Variants in FSTL4 observed in about 807,000 individuals in gnomAD.
FSTL4 encodes the protein follistatin like 4.
Under a neutral mutation model 78.2 loss-of-function variants are expected in FSTL4, and 28 were observed. The ratio of observed to expected loss-of-function variants is 0.36; its 90% CI spans 0.27 to 0.49. The LOEUF is 0.49. FSTL4 is among the 20% of genes least tolerant of loss of function. The probability of loss-of-function intolerance (pLI) is 0.98; values close to 1 mark genes in which losing one functional copy is unlikely to be tolerated. For synonymous variants in FSTL4, 422 were observed against 440.5 expected, an observed-to-expected ratio of 0.96 and a Z score of 0.53; for missense variants, 922 against 1,084.9, an observed-to-expected ratio of 0.85 and a Z score of 2.11.
the FSTL4 span, among the ~76,000 whole-genome samples, chr5:133,683,614 C>T: frequency 7.9e-5 from 12 of 152,332 alleles, no homozygotes; most frequent in East Asian, 1.9e-3. Context: ...CAGCTCCAAA[C>T]GCAGCATCAT....
Position 133,611,920 on chromosome 5 carries a change from C to A in FSTL4, c.-11+405G>T, listed in dbSNP as rs1345433524. 6.6e-6 allele frequency among the ~76,000 whole-genome samples: 1 copy of A among 152,014 alleles called. No homozygotes were observed. The highest frequency in any genetic ancestry group is 1.9e-4 in the East Asian group (1 of 5,146). ...CGCGCTCGCCTGGCTCCGCCGGGGC[C>A]GCTCGGGGTCCTGAACCCAAGAACG... On this transcript the variant is annotated intron_variant, in intron 1 of 15. Coordinates refer to ENST00000265342, the MANE Select transcript of FSTL4 (RefSeq NM_015082.2). The surrounding 1 kb of genome is among the most constrained non-coding windows in gnomAD (Gnocchi z 4.9).
At chr5:133,402,011 G>C (rs2126972375) in intron 3 of FSTL4, among the ~76,000 whole-genome samples, 1 of 152,224 alleles carries the variant, frequency 6.6e-6, no homozygotes, top group African/African-American at 2.4e-5. Context: ...GGATGGGGGT[G>C]GGGGTAGCCG....
chr5:133,689,137 C>G, the FSTL4 span, among the ~76,000 whole-genome samples: 4,074 of 152,264 alleles, frequency 0.027, 184 homozygotes, highest in African/African-American at 0.093. Context: ...CTAACCCCTC[C>G]ACCCAGTCTC....
intron 2 of FSTL4, among the ~76,000 whole-genome samples, chr5:133,572,316 T>C (rs569127997): frequency 1.3e-5 from 2 of 152,218 alleles, no homozygotes; most frequent in Admixed American, 1.3e-4. Context: ...ATGTGCACAT[T>C]TGCTATACAG....
Position 133,225,585 on chromosome 5 carries a change from G to A in FSTL4, c.1177+73C>T, listed in dbSNP as rs2241583. 0.39 allele frequency: 526,587 copies of A among 1,342,670 alleles called. 116,086 individuals carry two copies. The highest frequency in any genetic ancestry group is 0.82 in the African/African-American group (56,529 of 68,736). 83.2% of individuals were successfully genotyped at this position (1,342,670 alleles called of 1,614,324 possible). ...GACTTATAAACAAATTATACCTCTC[G>A]TTTCCATTCCTGGAGTCTCAGCTTG... On this transcript the variant is annotated intron_variant, in intron 9 of 15. Coordinates refer to ENST00000265342, the MANE Select transcript of FSTL4 (RefSeq NM_015082.2). This position sits in a 1 kb window ranked among gnomAD's most constrained non-coding sequence, Gnocchi z 4.6.
At chr5:133,595,964 G>A (rs1439776866) in intron 2 of FSTL4, among the ~76,000 whole-genome samples, 2 of 152,192 alleles carry the variant, frequency 1.3e-5, no homozygotes, top group Non-Finnish European at 2.9e-5. Flanking sequence ...ACAGGCAAGA[G>A]GCAAAGTGAT....
At chr5:133,756,637 T>G in the FSTL4 span, among the ~76,000 whole-genome samples, 1 of 152,048 alleles carries the variant, frequency 6.6e-6, no homozygotes, top group Non-Finnish European at 1.5e-5. Flanking sequence ...ACCCACTGAG[T>G]GCACCTGGCC....
chr5:133,696,269 G>A, the FSTL4 span, among the ~76,000 whole-genome samples: 1 of 152,202 alleles, frequency 6.6e-6, no homozygotes, highest in East Asian at 1.9e-4. Flanking sequence ...GGACTGGGGG[G>A]TATCTTTGGT....
the FSTL4 span, among the ~76,000 whole-genome samples, chr5:133,734,264 G>A: frequency 2.6e-5 from 4 of 152,102 alleles, no homozygotes; most frequent in African/African-American, 9.7e-5. Context: ...CAAACCAATT[G>A]TAAAGGCATC....
intron 3 of FSTL4, among the ~76,000 whole-genome samples, chr5:133,539,211 G>A (rs1172946859): frequency 2.6e-5 from 4 of 151,582 alleles, no homozygotes. Context: ...TGCGTGATGA[G>A]AGATATTGCT....
chr5:133,252,539 A>G (rs1010292217), intron 6 of FSTL4, among the ~76,000 whole-genome samples: 30 of 152,190 alleles, frequency 2.0e-4, no homozygotes, highest in Admixed American at 7.8e-4. Context: ...AAGGGGTTCT[A>G]TGATGGCCTG....
the FSTL4 span, among the ~76,000 whole-genome samples, chr5:133,712,556 T>G: frequency 6.6e-6 from 1 of 152,208 alleles, no homozygotes; most frequent in Non-Finnish European, 1.5e-5. Flanking sequence ...TGGGGATTAA[T>G]GAGTTAACAC....
intron 1 of FSTL4, among the ~76,000 whole-genome samples, chr5:133,608,226 A>C (rs1163026934): frequency 6.6e-6 from 1 of 152,196 alleles, no homozygotes; most frequent in East Asian, 1.9e-4. Flanking sequence ...CTAAGTATTA[A>C]TTATAAATCT....
intron 7 of FSTL4, among the ~76,000 whole-genome samples, chr5:133,235,602 G>A (rs920613387): frequency 2.0e-5 from 3 of 152,114 alleles, no homozygotes; most frequent in African/African-American, 7.2e-5. Context: ...AAGGTAGATG[G>A]TGAGCACATG....
rs146335445 is a variant in FSTL4, at chr5:133,395,519, G to A, written c.409+5219C>T. 7.6e-4 allele frequency among the ~76,000 whole-genome samples: 116 copies of A among 152,308 alleles called. 2 individuals are homozygous for A. Among genetic ancestry groups the A allele is most frequent in the African/African-American group, 2.6e-3 (109 of 41,558 alleles). ...CGCGCGGGTCCGCGGCTTCATTCTC[G>A]AAGTCAGAGAGACCAAGAACCCACC... On this transcript the variant is annotated intron_variant, in intron 4 of 15. Coordinates refer to ENST00000265342, the MANE Select transcript of FSTL4 (RefSeq NM_015082.2).
the FSTL4 span, among the ~76,000 whole-genome samples, chr5:133,738,511 A>T: frequency 6.6e-6 from 1 of 152,100 alleles, no homozygotes; most frequent in Non-Finnish European, 1.5e-5. Flanking sequence ...CAGGCTCCAG[A>T]TCCCCTCCCC....
chr5:133,833,761 T>C, the FSTL4 span, among the ~76,000 whole-genome samples: 1 of 152,234 alleles, frequency 6.6e-6, no homozygotes, highest in Non-Finnish European at 1.5e-5. Context: ...TTGTCCTTTC[T>C]GGGTCTTTTT....
chr5:133,623,864 G>A, the FSTL4 span, among the ~76,000 whole-genome samples: 1 of 151,832 alleles, frequency 6.6e-6, no homozygotes, highest in Admixed American at 6.6e-5. Flanking sequence ...CTGAATATTT[G>A]CATTAAGGAA....
chr5:133,543,606 C>T (rs981226522), intron 3 of FSTL4, among the ~76,000 whole-genome samples: 1 of 152,064 alleles, frequency 6.6e-6, no homozygotes, highest in African/African-American at 2.4e-5. Context: ...ATACCTATAC[C>T]AGGCTCTTTC....
Sources: gnomAD v4.1 joint callset for allele counts (sites outside exome capture counted in the v4.1 genomes callset) on GRCh38, gnomAD v4.1.1 for gene constraint, Gnocchi (gnomAD v3.1) non-coding constraint, MANE v1.5 for transcripts, NCBI Gene and HGNC (gene_info 2026-07-23, HGNC 2026-07-21) for gene names.